The following NME9 variants were observed in gnomAD, a reference collection of about 807,000 sequenced individuals.
NME9 encodes the protein NME/NM23 family member 9.
NME9 carries 48 observed loss-of-function variants against 44.4 expected under a neutral mutation model. The observed-to-expected ratio is 1.08, with a 90% CI of 0.86 to 1.37. The LOEUF is 1.37. NME9 is among the 40% of genes most tolerant of loss of function. The pLI is 0.00. For synonymous variants in NME9, 139 were observed against 147.1 expected, an observed-to-expected ratio of 0.94 and a Z score of 0.40; for missense variants, 325 against 405.2, an observed-to-expected ratio of 0.80 and a Z score of 1.70.
At chr3:138,275,989 T>G (rs1424311879) in intron 8 of NME9, among the ~76,000 whole-genome samples, 1 of 152,102 alleles carries the variant, frequency 6.6e-6, no homozygotes, top group Non-Finnish European at 1.5e-5. Context: ...CCATTGTACT[T>G]TGAGAGGATA....
chr3:138,317,160 C>CA (rs1383898043), intron 4 of NME9, among the ~76,000 whole-genome samples: 2 of 152,248 alleles, frequency 1.3e-5, no homozygotes, highest in Non-Finnish European at 2.9e-5. Context: ...GTGTCTGGGG[C>CA]ATGCTCATCT....
chr3:138,271,467 C>T (rs1048748973), intron 8 of NME9, among the ~76,000 whole-genome samples: 23 of 152,170 alleles, frequency 1.5e-4, no homozygotes, highest in Admixed American at 1.5e-3. Context: ...ACTTAAATGG[C>T]GTATGGGACT....
At chr3:138,274,339 T>C (rs1358438517) in intron 8 of NME9, 1 of 692,790 alleles carries the variant, frequency 1.4e-6, no homozygotes, top group Non-Finnish European at 2.5e-6. Flanking sequence ...TATGCTATAG[T>C]GTTTTGCATG....
intron 2 of NME9, 84 bp from the exon 3 acceptor site, chr3:138,319,665 C>T: frequency 1.4e-6 from 1 of 726,580 alleles, no homozygotes; most frequent in Non-Finnish European, 2.5e-6. Flanking sequence ...ACATTCTAAC[C>T]CCCCTCAAAT....
chr3:138,286,956 T>G (rs982380586), intron 8 of NME9, among the ~76,000 whole-genome samples: 1 of 152,188 alleles, frequency 6.6e-6, no homozygotes, highest in Non-Finnish European at 1.5e-5. Context: ...TCACTCAATT[T>G]ATCAACAAGT....
Position 138,329,294 on chromosome 3 carries a change from G to C in NME9, c.33+9C>G, listed in dbSNP as rs2053981333. On this transcript the variant is annotated intron_variant, in intron 1 of 10. Coordinates refer to ENST00000333911, the MANE Select transcript of NME9 (RefSeq NM_001349018.2). ...CCAGAGCTGGAAGCTAGCGCCCCTT[G>C]AGGCTTACCTGCAGGGCAATTTCCT... 2 of 1,535,608 alleles carry C rather than the reference G, an allele frequency of 1.3e-6. No individual in the cohort carries two copies. Among genetic ancestry groups the C allele is most frequent in the Non-Finnish European group, 1.7e-6 (2 of 1,146,582 alleles).
intron 8 of NME9, among the ~76,000 whole-genome samples, chr3:138,277,051 A>G (rs2049361800): frequency 6.6e-6 from 1 of 152,228 alleles, no homozygotes; most frequent in Admixed American, 6.5e-5. Flanking sequence ...TAATGAAGAC[A>G]GTATGGTCTT....
chr3:138,327,405 C>T (rs1348145306), intron 1 of NME9, among the ~76,000 whole-genome samples: 6 of 152,058 alleles, frequency 3.9e-5, no homozygotes, highest in African/African-American at 9.7e-5. Context: ...TCTCTGTGGC[C>T]CACCCCTGTC....
At chr3:138,322,622 T>C (rs1350185091) in intron 2 of NME9, among the ~76,000 whole-genome samples, 1 of 152,048 alleles carries the variant, frequency 6.6e-6, no homozygotes, top group East Asian at 1.9e-4. Context: ...GTGGTTCACT[T>C]TGGAAGAAAA....
chr3:138,262,558 C>G (rs760246183), exon 9 of NME9: 48 of 1,611,612 alleles, frequency 3.0e-5, no homozygotes, highest in Non-Finnish European at 4.0e-5. Flanking sequence ...GGTCAGTGAT[C>G]TTCAACCTTG....
At chr3:138,287,593 G>A in intron 8 of NME9, 1 of 455,986 alleles carries the variant, frequency 2.2e-6, no homozygotes, top group Non-Finnish European at 4.4e-6. Context: ...GATTGTCTGA[G>A]GCTGGGAGCA....
chr3:138,276,017 TAA>T (rs2049258758), intron 8 of NME9, among the ~76,000 whole-genome samples: 1 of 152,148 alleles, frequency 6.6e-6, no homozygotes, highest in Non-Finnish European at 1.5e-5. Context: ...ATTTTGTCTA[TAA>T]AGACAACTTA....
At chr3:138,318,739 G>T (rs985608920) in intron 3 of NME9, among the ~76,000 whole-genome samples, 7 of 152,222 alleles carry the variant, frequency 4.6e-5, no homozygotes, top group African/African-American at 1.7e-4. Context: ...AACCCATGCA[G>T]CATATCAACA....
At chr3:138,303,986 T>A (rs2108429845) in intron 9 of NME9, among the ~76,000 whole-genome samples, 1 of 152,354 alleles carries the variant, frequency 6.6e-6, no homozygotes, top group South Asian at 2.1e-4. Context: ...TACCAAAGGC[T>A]AGCACCATAC....
intron 8 of NME9, among the ~76,000 whole-genome samples, chr3:138,289,826 C>T (rs936855150): frequency 2.6e-5 from 4 of 152,114 alleles, no homozygotes; most frequent in East Asian, 3.9e-4. Context: ...TTCTGGGCCC[C>T]ATCCCTAGAA....
intron 8 of NME9, among the ~76,000 whole-genome samples, chr3:138,288,209 TAGGTG>T (rs1301275120): frequency 1.3e-5 from 2 of 152,186 alleles, no homozygotes; most frequent in African/African-American, 4.8e-5. Context: ...TGTGAAAGTC[TAGGTG>T]TTACAGAACT....
At chr3:138,288,364 A>G (rs1231935959) in intron 8 of NME9, among the ~76,000 whole-genome samples, 6 of 152,238 alleles carry the variant, frequency 3.9e-5, no homozygotes, top group Non-Finnish European at 7.3e-5. Flanking sequence ...ACATAGCCTA[A>G]GTCGAAAGCA....
chr3:138,269,898 C>G, intron 8 of NME9: 1 of 273,818 alleles, frequency 3.7e-6, no homozygotes, highest in Non-Finnish European at 6.7e-6. Context: ...ATTTTTATGG[C>G]TACATCACTC....
At chr3:138,274,530 G>C in intron 8 of NME9, 1 of 1,612,190 alleles carries the variant, frequency 6.2e-7, no homozygotes, top group East Asian at 2.2e-5. Flanking sequence ...ACATAACATT[G>C]AGGTCAAAGA....
Sources: allele counts gnomAD v4.1 joint callset (sites outside exome capture counted in the v4.1 genomes callset), GRCh38; gene constraint gnomAD v4.1.1; transcripts MANE v1.5; gene names NCBI Gene and HGNC (gene_info 2026-07-23, HGNC 2026-07-21).